UNC5D: variants seen among roughly 807,000 people sequenced by gnomAD.
UNC5D encodes unc-5 netrin receptor D.
A neutral mutation model predicts 105.4 loss-of-function variants in UNC5D; 39 were observed. The ratio of observed to expected loss-of-function variants is 0.37; its 90% CI spans 0.29 to 0.48. The LOEUF (loss-of-function observed/expected upper bound fraction) is 0.48. UNC5D is among the 20% of genes least tolerant of loss of function. The pLI, the probability that UNC5D is intolerant of heterozygous loss-of-function variation, is 0.98. For synonymous variants in UNC5D, 452 were observed against 450.4 expected, an observed-to-expected ratio of 1.00 and a Z score of -0.04; for missense variants, 991 against 1,202.4, an observed-to-expected ratio of 0.82 and a Z score of 2.60.
At chr8:35,594,817 G>T (rs756296712) in intron 3 of UNC5D, among the ~76,000 whole-genome samples, 4 of 152,152 alleles carry the variant, frequency 2.6e-5, no homozygotes, top group African/African-American at 9.7e-5. Flanking sequence ...CACTGGCATC[G>T]ATGCTCTCTG....
chr8:35,286,394 T>C (rs925351309), intron 1 of UNC5D, among the ~76,000 whole-genome samples: 1 of 152,174 alleles, frequency 6.6e-6, no homozygotes, highest in African/African-American at 2.4e-5. Flanking sequence ...CCACAAGTCT[T>C]CTAGGCTTGA....
At chr8:35,508,324 A>C (rs1455521623) in intron 1 of UNC5D, among the ~76,000 whole-genome samples, 1 of 152,144 alleles carries the variant, frequency 6.6e-6, no homozygotes, top group Non-Finnish European at 1.5e-5. Context: ...TGGGAAGAAA[A>C]GTTAAAATTC....
intron 1 of UNC5D, among the ~76,000 whole-genome samples, chr8:35,521,166 A>AT (rs960790953): frequency 3.0e-4 from 45 of 152,012 alleles, no homozygotes; most frequent in Middle Eastern, 3.4e-3. Context: ...GAGGGGATGC[A>AT]TTTTTTTTCT....
At chr8:35,282,611 G>C (rs1056600388) in intron 1 of UNC5D, among the ~76,000 whole-genome samples, 1 of 150,408 alleles carries the variant, frequency 6.6e-6, no homozygotes, top group Non-Finnish European at 1.5e-5. Context: ...AACTTGATTC[G>C]GCACCATAAT....
intron 1 of UNC5D, among the ~76,000 whole-genome samples, chr8:35,365,285 A>AT (rs1477851793): frequency 7.9e-5 from 12 of 151,820 alleles, no homozygotes; most frequent in Admixed American, 1.3e-4. Context: ...AGATGCATAG[A>AT]TTTTTTTTAT....
intron 16 of UNC5D, among the ~76,000 whole-genome samples, chr8:35,781,289 G>A (rs1005095173): frequency 4.6e-5 from 7 of 152,196 alleles, no homozygotes; most frequent in Non-Finnish European, 1.5e-5. Flanking sequence ...TGAACAAGCT[G>A]TATATGGTTT....
intron 1 of UNC5D, among the ~76,000 whole-genome samples, chr8:35,253,949 C>G (rs1197777526): frequency 1.3e-5 from 2 of 152,250 alleles, no homozygotes; most frequent in Non-Finnish European, 1.5e-5. Flanking sequence ...AAAAGAGTTC[C>G]TGCAAACGTT....
At chr8:35,693,620 CAA>C (rs567460485) in intron 7 of UNC5D, among the ~76,000 whole-genome samples, 70 of 152,248 alleles carry the variant, frequency 4.6e-4, no homozygotes, top group Admixed American at 2.4e-3. Flanking sequence ...AGCTAAGACA[CAA>C]GAGCCTAGGT....
At chr8:35,330,490 G>C (rs1391853650) in intron 1 of UNC5D, among the ~76,000 whole-genome samples, 1 of 152,204 alleles carries the variant, frequency 6.6e-6, no homozygotes, top group Non-Finnish European at 1.5e-5. Context: ...AAAACTGCTA[G>C]CTGATGCGCT....
chr8:35,466,305 A>G (rs888375360), intron 1 of UNC5D, among the ~76,000 whole-genome samples: 1 of 152,154 alleles, frequency 6.6e-6, no homozygotes, highest in Non-Finnish European at 1.5e-5. Context: ...TTCATCTCTC[A>G]CTGTCTCTTG....
chr8:35,590,204 T>A (rs1819076283), intron 3 of UNC5D, among the ~76,000 whole-genome samples: 1 of 152,138 alleles, frequency 6.6e-6, no homozygotes, highest in Non-Finnish European at 1.5e-5. Context: ...ATTAAGGCTG[T>A]TAACCCTCTG....
intron 1 of UNC5D, among the ~76,000 whole-genome samples, chr8:35,371,148 G>A (rs1802406222): frequency 6.6e-6 from 1 of 151,168 alleles, no homozygotes; most frequent in African/African-American, 2.4e-5. Flanking sequence ...AGGAGCTCAA[G>A]GTTGCAGTGA....
In UNC5D at chr8:35,774,369, C is replaced by G. The variant is rs745637564; in HGVS notation, c.2549C>G (p.Ala850Gly). 5.0e-6 allele frequency: 8 copies of G among 1,613,996 alleles called. No homozygotes were observed. Among genetic ancestry groups the G allele is most frequent in the Non-Finnish European group, 5.9e-6 (7 of 1,180,004 alleles). Residue 850 changes from alanine (A) to glycine (G), a missense_variant, in exon 16 of 17, where the codon GCC (alanine) becomes GGC (glycine). Physicochemically the swap from Ala to Gly is moderately conservative, Grantham distance 60. Around this residue, in one of 3 missense-constraint regions of UNC5D, gnomAD observed 944 missense variants for 1,131.6 expected, o/e 0.83. Transcript: ENST00000404895. ...STFPAQTGPK[A>G]FKIPYSIRQR... Reference sequence around the variant, plus strand: ...TTCCCTGCACAGACTGGCCCCAAAGCCTTCAAAATTCCCTACTCCATCAGA... The same window carrying G: ...TTCCCTGCACAGACTGGCCCCAAAGGCTTCAAAATTCCCTACTCCATCAGA...
chr8:35,741,230 G>A (rs930565969), intron 11 of UNC5D, among the ~76,000 whole-genome samples: 3 of 152,138 alleles, frequency 2.0e-5, no homozygotes, highest in African/African-American at 4.8e-5. Context: ...AACTAAAGCC[G>A]TTTAACATAT....
rs1314821918 is a variant in UNC5D, at chr8:35,546,015, C to T, written c.104-3277C>T. 2.0e-5 allele frequency among the ~76,000 whole-genome samples: 3 copies of T among 152,098 alleles called. No individual in the cohort carries two copies. The East Asian group carries it at 5.8e-4, about 29-fold the overall frequency. ...GCTCAAGCGAGCCTCCCACTTCAGC[C>T]TCCCAAGTAGCTGGGACTACACGCA... is the stretch of plus-strand genomic sequence containing the variant. On this transcript the variant is annotated intron_variant, in intron 1 of 16. Coordinates refer to ENST00000404895, the MANE Select transcript of UNC5D (RefSeq NM_080872.4).
chr8:35,356,626 G>GT (rs35841172), intron 1 of UNC5D, among the ~76,000 whole-genome samples: 11,549 of 147,136 alleles, frequency 0.078, 707 homozygotes, highest in African/African-American at 0.17. Context: ...CATCAACAAA[G>GT]TTTTTTTTTT....
intron 2 of UNC5D, among the ~76,000 whole-genome samples, chr8:35,558,008 T>TGAGGCAGG (rs1816677007): frequency 1.3e-5 from 2 of 151,290 alleles, no homozygotes; most frequent in Non-Finnish European, 2.9e-5. Context: ...GGTGGGCACC[T>TGAGGCAGG]ATAATCCCTT....
intron 1 of UNC5D, among the ~76,000 whole-genome samples, chr8:35,293,653 G>T (rs769207584): frequency 1.3e-5 from 2 of 152,144 alleles, no homozygotes; most frequent in Non-Finnish European, 2.9e-5. Flanking sequence ...GGTAAATCCT[G>T]TAAAGTCATG....
chr8:35,500,513 C>G (rs767465464), intron 1 of UNC5D, among the ~76,000 whole-genome samples: 14 of 152,148 alleles, frequency 9.2e-5, no homozygotes, highest in Non-Finnish European at 1.3e-4. Flanking sequence ...TCCTATTCAA[C>G]TGTATATTTA....
Sources: gnomAD v4.1 joint callset for allele counts (sites outside exome capture counted in the v4.1 genomes callset) on GRCh38, gnomAD v4.1.1 for gene constraint, gnomAD v4.1.1 regional missense constraint, MANE v1.5 for transcripts, NCBI Gene and HGNC (gene_info 2026-07-23, HGNC 2026-07-21) for gene names.